NBAS: variants seen among roughly 807,000 people sequenced by gnomAD.
NBAS encodes NBAS subunit of NRZ tethering complex.
NBAS carries 219 observed loss-of-function variants against 302.5 expected under a neutral mutation model. The ratio of observed to expected loss-of-function variants is 0.72; its 90% CI spans 0.65 to 0.81. NBAS has a LOEUF of 0.81. NBAS is among the 30% of genes least tolerant of loss of function. NBAS has a pLI of 0.00. For missense variants in NBAS, 2,932 were observed against 2,841.6 expected (o/e 1.03, Z -0.72); for synonymous variants, 1,118 against 1,021.6 (o/e 1.09, Z -1.80).
At chr2:14,958,557 G>C in the NBAS span, among the ~76,000 whole-genome samples, 2 of 152,138 alleles carry the variant, frequency 1.3e-5, no homozygotes, top group Admixed American at 6.5e-5. Flanking sequence ...GATGAGAAAT[G>C]AGGGGTGGGA....
chr2:15,492,327 G>A (rs1460591105), intron 11 of NBAS, among the ~76,000 whole-genome samples: 2 of 152,140 alleles, frequency 1.3e-5, no homozygotes, highest in Non-Finnish European at 2.9e-5. Context: ...TTCATGCATA[G>A]TAAGATGATA....
At chr2:15,084,276 TG>T in the NBAS span, among the ~76,000 whole-genome samples, 2 of 152,180 alleles carry the variant, frequency 1.3e-5, no homozygotes, top group Non-Finnish European at 2.9e-5. Context: ...TTGCCCAGGC[TG>T]GTCTCGAACT....
At chr2:15,062,214 G>T in the NBAS span, among the ~76,000 whole-genome samples, 2 of 152,138 alleles carry the variant, frequency 1.3e-5, no homozygotes, top group South Asian at 4.1e-4. Flanking sequence ...CAAGACTCAG[G>T]CTTTACAATC....
the NBAS span, among the ~76,000 whole-genome samples, chr2:14,840,870 A>G: frequency 2.6e-5 from 4 of 152,088 alleles, no homozygotes; most frequent in Non-Finnish European, 4.4e-5. Context: ...ATGGATGGAC[A>G]AACTCAGAAT....
At position 15,475,870 on chromosome 2, in the gene NBAS, G is replaced by C. The variant is rs1680170345; in HGVS notation, c.1158C>G (p.Ser386=). Residue 386 remains serine, a synonymous_variant, in exon 14 of 52, where the codon TCC becomes TCG. Transcript: ENST00000281513. ...EKRKKIKDKE[S]FYPLIDVNWW... The stretch of plus-strand genomic sequence containing the variant: ...AATTGACATCTATCAGTGGGTAAAA[G>C]GACTCTTTATCTAAGAAGCGAAAAA... 6.2e-7 allele frequency: 1 copy of C among 1,612,992 alleles called. No individual in the cohort carries two copies. Among genetic ancestry groups the C allele is most frequent in the Middle Eastern group, 1.7e-4 (1 of 6,058 alleles).
chr2:15,125,790 T>C, the NBAS span, among the ~76,000 whole-genome samples: 2 of 152,178 alleles, frequency 1.3e-5, no homozygotes, highest in Non-Finnish European at 2.9e-5. Context: ...AGTAATTTGG[T>C]TTTGATTTCA....
intron 51 of NBAS, among the ~76,000 whole-genome samples, chr2:15,171,771 T>C (rs1420928702): frequency 1.3e-5 from 2 of 152,174 alleles, no homozygotes; most frequent in African/African-American, 2.4e-5. Flanking sequence ...GTCATCAGGA[T>C]GGACTCCGAT....
chr2:14,923,009 G>A, the NBAS span, among the ~76,000 whole-genome samples: 7 of 152,048 alleles, frequency 4.6e-5, no homozygotes, highest in East Asian at 1.9e-4. Flanking sequence ...AAAATTAGCC[G>A]GGCGCCATGG....
At chr2:15,306,682 T>A (rs1340191770) in intron 40 of NBAS, among the ~76,000 whole-genome samples, 1 of 151,902 alleles carries the variant, frequency 6.6e-6, no homozygotes, top group African/African-American at 2.4e-5. Flanking sequence ...ATAGAAGAAA[T>A]CAAGATAAAT....
chr2:15,006,893 G>T, the NBAS span, among the ~76,000 whole-genome samples: 1 of 152,152 alleles, frequency 6.6e-6, no homozygotes, highest in Non-Finnish European at 1.5e-5. Flanking sequence ...GCAGGAAGAG[G>T]TTTGTGGTTA....
chr2:15,317,115 G>A (rs1337267205), intron 38 of NBAS, among the ~76,000 whole-genome samples: 1 of 152,242 alleles, frequency 6.6e-6, no homozygotes, highest in African/African-American at 2.4e-5. Flanking sequence ...AGCGTCTGGA[G>A]TGGACCTCCA....
the NBAS span, among the ~76,000 whole-genome samples, chr2:14,851,309 C>A: frequency 6.6e-6 from 1 of 150,700 alleles, no homozygotes. Context: ...CACCTCTACT[C>A]AAATAAACTA....
the NBAS span, among the ~76,000 whole-genome samples, chr2:14,972,490 C>G: frequency 1.4e-4 from 21 of 152,234 alleles, no homozygotes; most frequent in East Asian, 1.7e-3. Flanking sequence ...TCTGTTAAAG[C>G]AGGCAGATCA....
chr2:15,367,923 A>G (rs1402161061), intron 31 of NBAS, among the ~76,000 whole-genome samples: 1 of 152,194 alleles, frequency 6.6e-6, no homozygotes, highest in Non-Finnish European at 1.5e-5. Flanking sequence ...TCCATGTGCA[A>G]TCATGCATGC....
chr2:15,341,157 G>A (rs907465316), intron 35 of NBAS, among the ~76,000 whole-genome samples: 7 of 152,056 alleles, frequency 4.6e-5, no homozygotes, highest in African/African-American at 1.7e-4. Context: ...AGGCCGAAGT[G>A]GGCAGATCAC....
the NBAS span, among the ~76,000 whole-genome samples, chr2:15,052,546 T>C: frequency 6.6e-6 from 1 of 152,096 alleles, no homozygotes; most frequent in African/African-American, 2.4e-5. Context: ...TGCCCCTAAC[T>C]CACCTCGAAT....
At chr2:15,224,330 T>G (rs1667071865) in intron 47 of NBAS, among the ~76,000 whole-genome samples, 1 of 152,130 alleles carries the variant, frequency 6.6e-6, no homozygotes. Context: ...AGTTTTCAGG[T>G]TCTGCATGGC....
At chr2:14,818,217 T>C in the NBAS span, among the ~76,000 whole-genome samples, 1 of 152,174 alleles carries the variant, frequency 6.6e-6, no homozygotes, top group Non-Finnish European at 1.5e-5. Flanking sequence ...CAATATGTCA[T>C]CTTTTCACCT....
At chr2:15,098,346 T>TCATATATGATATATAGTATAC in the NBAS span, among the ~76,000 whole-genome samples, 2 of 6,522 alleles carry the variant, frequency 3.1e-4, 1 homozygote, top group Non-Finnish European at 5.6e-4. Flanking sequence ...ATATAATATA[T>TCATATATGATATATAGTATAC]AATATATGAT....
Sources: allele counts gnomAD v4.1 joint callset (sites outside exome capture counted in the v4.1 genomes callset), GRCh38; gene constraint gnomAD v4.1.1; transcripts MANE v1.5; gene names NCBI Gene and HGNC (gene_info 2026-07-23, HGNC 2026-07-21).